The following ANO3 variants were observed in gnomAD, a reference collection of about 807,000 sequenced individuals.
The protein encoded by ANO3 is anoctamin 3.
Under a neutral mutation model 144.8 loss-of-function variants are expected in ANO3, and 99 were observed. That is an observed-to-expected ratio of 0.68 (90% CI 0.58 to 0.81). The LOEUF is 0.81. ANO3 is among the 30% of genes least tolerant of loss of function. The pLI, the probability that ANO3 is intolerant of heterozygous loss-of-function variation, is 0.00. For synonymous variants in ANO3, 414 were observed against 392.6 expected (o/e 1.05, Z -0.64); for missense variants, 905 against 1,202.2 (o/e 0.75, Z 3.66).
chr11:26,508,346 A>G, intron 5 of ANO3, 84 bp downstream of exon 5: 1 of 1,234,856 alleles, frequency 8.1e-7, no homozygotes, highest in Non-Finnish European at 1.1e-6. Flanking sequence ...AAAAATATGT[A>G]TCACATGACT....
chr11:26,365,954 T>TTATA (rs1158168765), intron 1 of ANO3, among the ~76,000 whole-genome samples: 39 of 54,382 alleles, frequency 7.2e-4, no homozygotes, highest in African/African-American at 2.6e-3. Context: ...CATTTTTTCT[T>TTATA]TATATATATA....
intron 1 of ANO3, among the ~76,000 whole-genome samples, chr11:26,249,182 G>T (rs752970035): frequency 2.6e-5 from 4 of 152,142 alleles, no homozygotes; most frequent in Non-Finnish European, 5.9e-5. Flanking sequence ...TGCCGTTGGG[G>T]TATATGGATA....
chr11:26,282,551 T>C (rs1246405311), intron 1 of ANO3, among the ~76,000 whole-genome samples: 1 of 152,176 alleles, frequency 6.6e-6, no homozygotes, highest in Non-Finnish European at 1.5e-5. Context: ...CTGTAAAAGA[T>C]AAGATTTTTT....
rs372498734 is a variant in ANO3, at chr11:26,623,577, A to T, written c.1837-885A>T. ...AGTATTATCAGAAAAATCAATTGTG[A>T]CTTACAGATTCAACAGATTTGACTT... On this transcript the variant is annotated intron_variant, in intron 17 of 26. Transcript: ENST00000256737. Among the ~76,000 whole-genome samples, 160 of 152,240 alleles carry T rather than the reference A, an allele frequency of 1.1e-3. No individual in the cohort carries two copies. In the South Asian group the frequency reaches 0.018, roughly 17 times the overall value.
At position 26,377,128 on chromosome 11, in the gene ANO3, C is replaced by A. The variant is rs150923687; in HGVS notation, c.46+44807C>A. 5.9e-5 allele frequency among the ~76,000 whole-genome samples: 9 copies of A among 152,224 alleles called. No homozygotes were observed. The East Asian group carries it at 1.7e-3, about 29-fold the overall frequency. On this transcript the variant is annotated intron_variant, in intron 1 of 26. Coordinates refer to ENST00000256737, the MANE Select transcript of ANO3 (RefSeq NM_031418.4). ...AAAACAAAAATATCCTGGAGAAAAA[C>A]ACACTTGATGCAGACCTTCTTGAAT...
At chr11:26,544,426 A>C (rs1849734773) in intron 11 of ANO3, among the ~76,000 whole-genome samples, 1 of 150,884 alleles carries the variant, frequency 6.6e-6, no homozygotes, top group Non-Finnish European at 1.5e-5. Context: ...TAGTTACCGA[A>C]GGCTAGGGGT....
At chr11:26,320,323 T>A (rs773253526) in intron 1 of ANO3, among the ~76,000 whole-genome samples, 19 of 152,168 alleles carry the variant, frequency 1.2e-4, no homozygotes, top group Non-Finnish European at 2.5e-4. Context: ...CAAATTCTCT[T>A]TTGATTAGCT....
Position 26,598,775 on chromosome 11 carries a change from T to G in ANO3, c.1531-83T>G, listed in dbSNP as rs963619812. 193 of 1,413,180 alleles carry G rather than the reference T, an allele frequency of 1.4e-4. 1 individual carries two copies. The highest frequency in any genetic ancestry group is 1.1e-4 in the Non-Finnish European group (111 of 1,049,322). 87.5% of individuals were successfully genotyped at this position (1,413,180 alleles called of 1,614,324 possible). A position where few individuals can be genotyped will look rare whatever the true frequency, so the allele number is the denominator to read the frequency against. ...GACTTAATACAAAAGTAGGCCAAAT[T>G]TAGGAGTATCGTATCAATTCTTGGG... On this transcript the variant is annotated intron_variant, in intron 15 of 26. Coordinates refer to ENST00000256737, the MANE Select transcript of ANO3 (RefSeq NM_031418.4).
At chr11:26,288,295 T>C (rs1853854590) in intron 1 of ANO3, among the ~76,000 whole-genome samples, 1 of 152,182 alleles carries the variant, frequency 6.6e-6, no homozygotes, top group Non-Finnish European at 1.5e-5. Context: ...TGGAAGTTTA[T>C]GATGGAGGTA....
intron 14 of ANO3, chr11:26,565,489 C>A: frequency 1.2e-6 from 2 of 1,613,360 alleles, no homozygotes; most frequent in Non-Finnish European, 1.7e-6. Flanking sequence ...GCTATAGGTG[C>A]ATTCCAAGGC....
At chr11:26,369,304 A>G (rs1564987017) in intron 1 of ANO3, among the ~76,000 whole-genome samples, 1 of 152,142 alleles carries the variant, frequency 6.6e-6, no homozygotes, top group Non-Finnish European at 1.5e-5. Flanking sequence ...TGCCATCTGG[A>G]AACATTAAAA....
At position 26,196,530 on chromosome 11, in the gene ANO3, A is replaced by G. The variant is rs1178646284; in HGVS notation, c.154+7200A>G. On this transcript the variant is annotated intron_variant, in intron 1 of 27. Transcript: ENST00000672621. ...AGTTAATTCTCCAGTAGAGCCAAGTAGTGGGTTTTGGAAATCATGGCTTCC... is the reference window on the plus strand; with the variant it reads ...AGTTAATTCTCCAGTAGAGCCAAGTGGTGGGTTTTGGAAATCATGGCTTCC... Among the ~76,000 whole-genome samples the G allele has an allele frequency of 2.6e-5, 4 of 152,196 alleles. No individual in the cohort carries two copies. The East Asian group carries it at 7.7e-4, about 29-fold the overall frequency.
At chr11:26,415,427 TAC>T (rs1857556527) in intron 1 of ANO3, among the ~76,000 whole-genome samples, 2 of 152,176 alleles carry the variant, frequency 1.3e-5, no homozygotes, top group Admixed American at 1.3e-4. Flanking sequence ...CTATAATTTA[TAC>T]AGTCAGTAAA....
Position 26,325,880 on chromosome 11 carries a change from C to T in ANO3, c.-3+16161C>T, listed in dbSNP as rs546394268. Among the ~76,000 whole-genome samples, 353 of 152,274 alleles carry T rather than the reference C, an allele frequency of 2.3e-3. 1 individual carries two copies. The highest frequency in any genetic ancestry group is 7.8e-3 in the African/African-American group (324 of 41,556). On this transcript the variant is annotated intron_variant, in intron 1 of 26. Coordinates refer to the ANO3 transcript ENST00000525139. ...AGGAGATGGAACGACCGTTAGAGAACATCTAAGTCATCAGTCTTATTACAG... is the reference window on the plus strand; with the variant it reads ...AGGAGATGGAACGACCGTTAGAGAATATCTAAGTCATCAGTCTTATTACAG...
chr11:26,211,997 G>T (rs182395420), intron 1 of ANO3, among the ~76,000 whole-genome samples: 104 of 152,234 alleles, frequency 6.8e-4, no homozygotes, highest in Middle Eastern at 6.8e-3. Flanking sequence ...TGATAAGTGG[G>T]AGTTGAACAA....
chr11:26,213,355 A>G (rs71480113), intron 1 of ANO3, among the ~76,000 whole-genome samples: 34,219 of 152,082 alleles, frequency 0.23, 4,763 homozygotes, highest in Non-Finnish European at 0.29. Context: ...GTGTTTGCAG[A>G]TGACATGATT....
chr11:26,377,039 A>C (rs937030339), intron 1 of ANO3, among the ~76,000 whole-genome samples: 1 of 152,152 alleles, frequency 6.6e-6, no homozygotes, highest in Non-Finnish European at 1.5e-5. Flanking sequence ...CATCCTAGAA[A>C]GTCTCAAAGG....
Position 26,441,993 on chromosome 11 carries a change from C to T in ANO3, c.122C>T (p.Ala41Val), listed in dbSNP as rs759292156. The T allele has an allele frequency of 1.0e-4, 161 of 1,613,964 alleles. 3 individuals carry two copies. The East Asian group carries it at 3.5e-3, about 35-fold the overall frequency. The change falls in exon 2 of 27, where the codon GCC becomes GTC. Residue 41 changes from alanine (A) to valine (V), a missense_variant. By Grantham distance (64) the Ala-to-Val change is moderately conservative. This residue lies in a region of ANO3 where 174 missense variants were observed against 171.9 expected (regional missense o/e 1.01). Transcript: ENST00000256737. The stretch of plus-strand genomic sequence containing the variant: ...TCTCGGAGATCCCTGCCTTGCCTCG[C>T]CCAGAGCTACGCTTACTCAAAGAGC... ...KPSRRSLPCLAQSYAYSKSLS... is the reference protein window; with the variant it reads ...KPSRRSLPCLVQSYAYSKSLS...
At chr11:26,363,154 A>T (rs773125867) in intron 1 of ANO3, among the ~76,000 whole-genome samples, 1 of 152,150 alleles carries the variant, frequency 6.6e-6, no homozygotes, top group African/African-American at 2.4e-5. Flanking sequence ...TCCTTCATCA[A>T]AGGTCAGGAA....
Sources: allele counts gnomAD v4.1 joint callset (sites outside exome capture counted in the v4.1 genomes callset), GRCh38; gene constraint gnomAD v4.1.1; regional missense constraint gnomAD v4.1.1; transcripts MANE v1.5; gene names NCBI Gene and HGNC (gene_info 2026-07-23, HGNC 2026-07-21).